LHFPL4: variants seen among roughly 807,000 people sequenced by gnomAD.
LHFPL4 encodes LHFPL tetraspan subfamily member 4 protein.
A neutral mutation model predicts 20.0 loss-of-function variants in LHFPL4; 6 were observed. The ratio of observed to expected loss-of-function variants is 0.30; its 90% CI spans 0.16 to 0.59. The LOEUF is 0.59. Among genes scored for constraint, LHFPL4 ranks in the 20% least tolerant of loss-of-function variants. The pLI, the probability that LHFPL4 is intolerant of heterozygous loss-of-function variation, is 0.88. For synonymous variants in LHFPL4, 129 were observed against 143.8 expected (o/e 0.90, Z 0.74); for missense variants, 215 against 331.2 (o/e 0.65, Z 2.72).
chr3:9,528,343 AT>A (rs2046387655), intron 2 of LHFPL4, among the ~76,000 whole-genome samples: 2 of 152,196 alleles, frequency 1.3e-5, no homozygotes, highest in Admixed American at 6.5e-5. Flanking sequence ...CCAGGAGTAG[AT>A]TCCATCTCAA....
intron 2 of LHFPL4, among the ~76,000 whole-genome samples, chr3:9,533,663 T>C (rs2046425822): frequency 6.6e-6 from 1 of 152,062 alleles, no homozygotes. Flanking sequence ...GCGCCTGTAG[T>C]CCCAGCTGCT....
Position 9,505,274 on chromosome 3 carries a change from C to CT in LHFPL4, c.643+692dup, listed in dbSNP as rs35722898. Among the ~76,000 whole-genome samples the CT allele has an allele frequency of 9.9e-3, 1,435 of 145,058 alleles. 28 individuals carry two copies. The highest frequency in any genetic ancestry group is 0.031 in the African/African-American group (1,209 of 39,222). On this transcript the variant is annotated intron_variant, in intron 3 of 3. Coordinates refer to ENST00000287585, the MANE Select transcript of LHFPL4 (RefSeq NM_198560.3). ...TTTCTTTTTTTCTTTTCTTTTCTTT[C>CT]TTTTTTTTTTTTGAGATAGGCTCTC...
At chr3:9,528,806 GGTTTCACCGT>G (rs1328971257) in intron 2 of LHFPL4, among the ~76,000 whole-genome samples, 1 of 151,794 alleles carries the variant, frequency 6.6e-6, no homozygotes, top group Non-Finnish European at 1.5e-5. Context: ...GTAGAGATGG[GGTTTCACCGT>G]GTTAGCCAGG....
chr3:9,542,110 A>G (rs969882410), intron 2 of LHFPL4, among the ~76,000 whole-genome samples: 2 of 151,734 alleles, frequency 1.3e-5, no homozygotes, highest in African/African-American at 4.8e-5. Flanking sequence ...ACATGGTGAA[A>G]CCCCATCTCT....
intron 2 of LHFPL4, among the ~76,000 whole-genome samples, chr3:9,550,023 T>C (rs1004145847): frequency 6.6e-6 from 1 of 152,126 alleles, no homozygotes; most frequent in African/African-American, 2.4e-5. Context: ...TGAGCCACCA[T>C]GCCTGGCCAA....
At chr3:9,532,009 A>C (rs899509834) in intron 2 of LHFPL4, among the ~76,000 whole-genome samples, 19 of 152,042 alleles carry the variant, frequency 1.2e-4, no homozygotes, top group African/African-American at 4.1e-4. Context: ...AATGCATTTT[A>C]TGCTGAGCTA....
intron 2 of LHFPL4, among the ~76,000 whole-genome samples, chr3:9,510,632 C>T (rs2046251693): frequency 6.6e-6 from 1 of 151,824 alleles, no homozygotes; most frequent in East Asian, 2.0e-4. Flanking sequence ...TATTGTGATA[C>T]TATTGTTAAA....
chr3:9,509,063 G>A (rs1190742260), intron 2 of LHFPL4, among the ~76,000 whole-genome samples: 2 of 152,202 alleles, frequency 1.3e-5, no homozygotes, highest in African/African-American at 4.8e-5. Context: ...GGCGCTCCCA[G>A]CTGCGCAGCG....
intron 2 of LHFPL4, among the ~76,000 whole-genome samples, chr3:9,544,223 A>G (rs1402388750): frequency 6.6e-6 from 1 of 151,978 alleles, no homozygotes; most frequent in African/African-American, 2.4e-5. Context: ...TTACCTTCCA[A>G]ATTTTGTCTC....
At position 9,506,901 on chromosome 3, in the gene LHFPL4, C is replaced by A. The variant is rs1049844013; in HGVS notation, c.407-698G>T. 3.3e-5 allele frequency among the ~76,000 whole-genome samples: 5 copies of A among 152,132 alleles called. No homozygotes were observed. The highest frequency in any genetic ancestry group is 1.2e-4 in the African/African-American group (5 of 41,428). On this transcript the variant is annotated intron_variant, in intron 2 of 3. Coordinates refer to ENST00000287585, the MANE Select transcript of LHFPL4 (RefSeq NM_198560.3). The surrounding 1 kb of genome is among the most constrained non-coding windows in gnomAD (Gnocchi z 4.5). ...CGCCCTCATTGTTATTTTTTAAATTCTTGTCCTTCACCCATCAAATGTTTA... is the reference window on the plus strand; with the variant it reads ...CGCCCTCATTGTTATTTTTTAAATTATTGTCCTTCACCCATCAAATGTTTA...
At position 9,552,710 on chromosome 3, in the gene LHFPL4, C is replaced by T. The variant is rs200274178; in HGVS notation, c.-31G>A. ...CCGGAGGCGGGGCCGGCGGCGGCGG[C>T]GGCTGGCGGGGGCCGCCGGCCCGGG... On this transcript the variant is annotated 5_prime_UTR_variant, in exon 2 of 4. Transcript: ENST00000287585. The T allele has an allele frequency of 2.4e-6, 3 of 1,274,492 alleles. No homozygotes were observed. The highest frequency in any genetic ancestry group is 3.1e-5 in the South Asian group (1 of 32,418). The allele number at this position is 1,274,492 out of a possible 1,614,324, so 78.9% of individuals were successfully genotyped here.
At chr3:9,513,475 G>T (rs2046275832) in intron 2 of LHFPL4, among the ~76,000 whole-genome samples, 1 of 152,054 alleles carries the variant, frequency 6.6e-6, no homozygotes, top group South Asian at 2.1e-4. Context: ...GGGACCACAG[G>T]TATGTGCCAC....
chr3:9,505,078 T>C (rs946989614), intron 3 of LHFPL4, among the ~76,000 whole-genome samples: 8 of 152,124 alleles, frequency 5.3e-5, no homozygotes, highest in African/African-American at 1.7e-4. Context: ...CTCCTGTCCA[T>C]GGCCATTGGG....
Position 9,549,531 on chromosome 3 carries a change from A to G in LHFPL4, c.406+2743T>C, listed in dbSNP as rs534256508. Among the ~76,000 whole-genome samples, 187 of 152,234 alleles carry G rather than the reference A, an allele frequency of 1.2e-3. 7 individuals carry two copies. The South Asian group carries it at 0.038, about 31-fold the overall frequency. On this transcript the variant is annotated intron_variant, in intron 2 of 3. Coordinates refer to ENST00000287585, the MANE Select transcript of LHFPL4 (RefSeq NM_198560.3). ...GCCAACATGGCGAAACCCCATCTCT[A>G]CTAAAAATACAAAAAATTAGCCAGG... is the stretch of plus-strand genomic sequence containing the variant.
intron 2 of LHFPL4, among the ~76,000 whole-genome samples, chr3:9,508,138 T>C (rs1231071501): frequency 2.0e-5 from 3 of 152,212 alleles, no homozygotes; most frequent in Non-Finnish European, 4.4e-5. Flanking sequence ...GGCCCTTGGC[T>C]GTGCCAGCTC....
rs1394248036 is a variant in LHFPL4 at position 9,544,487 on chromosome 3, T to A, written c.406+7787A>T. 2.6e-5 allele frequency among the ~76,000 whole-genome samples: 4 copies of A among 151,846 alleles called. No homozygotes were observed. The South Asian group carries it at 6.3e-4, about 24-fold the overall frequency. Reference sequence around the variant, plus strand: ...TAAAAATACAAAAATTAGCTAGGCATGGTGGTGGGCACCTGTACTCCCAGC... The same window carrying A: ...TAAAAATACAAAAATTAGCTAGGCAAGGTGGTGGGCACCTGTACTCCCAGC... On this transcript the variant is annotated intron_variant, in intron 2 of 3. Coordinates refer to ENST00000287585, the MANE Select transcript of LHFPL4 (RefSeq NM_198560.3).
intron 2 of LHFPL4, among the ~76,000 whole-genome samples, chr3:9,524,226 T>TG (rs938662406): frequency 2.7e-3 from 404 of 151,848 alleles, no homozygotes; most frequent in Middle Eastern, 0.01. Context: ...TTGTTTGCTT[T>TG]TTTTTTTTGG....
chr3:9,506,084 C>T lies in LHFPL4; in HGVS notation c.526G>A (p.Ala176Thr). 6.2e-7 allele frequency: 1 copy of T among 1,614,116 alleles called. No individual in the cohort carries two copies. Among genetic ancestry groups the T allele is most frequent in the Non-Finnish European group, 8.5e-7 (1 of 1,180,026 alleles). ...ATGCCGATGATGGCCAGGATGTATG[C>T]CCAGCGCACTGAACAGTCCCCCAGG... ...YSLGDCSVRW[A>T]YILAIIGILN... The change falls in exon 3 of 4, where the codon GCA becomes ACA. Residue 176 changes from alanine to threonine, a missense_variant. Transcript: ENST00000287585. The surrounding 1 kb of genome is among the most constrained non-coding windows in gnomAD (Gnocchi z 4.5).
At chr3:9,504,935 GT>G (rs74269237) in intron 3 of LHFPL4, among the ~76,000 whole-genome samples, 14,896 of 147,224 alleles carry the variant, frequency 0.1, 840 homozygotes, top group Middle Eastern at 0.13. Context: ...TCTGGAACTT[GT>G]TTTTTTTTTT....
Sources: gnomAD v4.1 joint callset for allele counts (sites outside exome capture counted in the v4.1 genomes callset) on GRCh38, gnomAD v4.1.1 for gene constraint, Gnocchi (gnomAD v3.1) non-coding constraint, MANE v1.5 for transcripts, NCBI Gene and HGNC (gene_info 2026-07-23, HGNC 2026-07-21) for gene names.